Variants in FLYWCH2 observed in about 807,000 individuals in gnomAD.
FLYWCH2 encodes the protein FLYWCH family member 2.
FLYWCH2 carries 2 observed loss-of-function variants against 6.0 expected under a neutral mutation model. That is an observed-to-expected ratio of 0.33 (90% CI 0.14 to 1.04). The LOEUF (loss-of-function observed/expected upper bound fraction) is 1.04, where lower values mean the gene tolerates loss of function less well. FLYWCH2 is among the 50% of genes least tolerant of loss of function. The pLI is 0.45. For missense variants in FLYWCH2, 192 were observed against 183.4 expected, an observed-to-expected ratio of 1.05 and a Z score of -0.27; for synonymous variants, 87 against 79.3, an observed-to-expected ratio of 1.10 and a Z score of -0.52.
At chr16:2,892,933 T>C (rs2150847976) in intron 1 of FLYWCH2, among the ~76,000 whole-genome samples, 1 of 142,818 alleles carries the variant, frequency 7.0e-6, no homozygotes, top group East Asian at 2.0e-4. Flanking sequence ...GTCATATATA[T>C]ACCATATATG....
chr16:2,891,850 A>G (rs2069761743), intron 1 of FLYWCH2, among the ~76,000 whole-genome samples: 1 of 151,976 alleles, frequency 6.6e-6, no homozygotes, highest in African/African-American at 2.4e-5. Context: ...TCAGGTTGCT[A>G]TGACCCCTTC....
Position 2,896,681 on chromosome 16 carries a change from AAGGCCCTCCTCC to A in FLYWCH2, c.235_246del (p.Ala79_Gln82del). On this transcript the variant is annotated inframe_deletion, in exon 3 of 4. Transcript: ENST00000396958. ...GGTGCCCGGCCCCGCCACCCTTGCC[AAGGCCCTCCTCC>A]AGACCCACCCCGAGGCCCAGCGGGC... 6.2e-7 allele frequency: 1 copy of A among 1,612,976 alleles called. No homozygotes were observed. Among genetic ancestry groups the A allele is most frequent in the Non-Finnish European group, 8.5e-7 (1 of 1,179,832 alleles).
At chr16:2,894,035 G>A (rs963883477) in intron 1 of FLYWCH2, among the ~76,000 whole-genome samples, 1 of 152,134 alleles carries the variant, frequency 6.6e-6, no homozygotes, top group Non-Finnish European at 1.5e-5. Context: ...TATTAGGTTG[G>A]TGAAAATTAA....
intron 1 of FLYWCH2, among the ~76,000 whole-genome samples, chr16:2,886,292 G>A (rs2069697547): frequency 6.6e-6 from 1 of 152,020 alleles, no homozygotes; most frequent in Non-Finnish European, 1.5e-5. Context: ...CCGGGTTCAA[G>A]CAATTCTCAT....
chr16:2,894,838 T>C (rs1447027302), intron 1 of FLYWCH2, among the ~76,000 whole-genome samples: 1 of 152,080 alleles, frequency 6.6e-6, no homozygotes, highest in African/African-American at 2.4e-5. Flanking sequence ...TCATGGACAA[T>C]AGGGTCTTAG....
At chr16:2,893,298 T>C (rs983140635) in intron 1 of FLYWCH2, among the ~76,000 whole-genome samples, 3 of 152,170 alleles carry the variant, frequency 2.0e-5, no homozygotes, top group Non-Finnish European at 4.4e-5. Context: ...TGCCTTGGTC[T>C]TTCTGGTGAC....
At chr16:2,891,092 G>A (rs150677513) in intron 1 of FLYWCH2, among the ~76,000 whole-genome samples, 1 of 152,188 alleles carries the variant, frequency 6.6e-6, no homozygotes, top group Non-Finnish European at 1.5e-5. Context: ...GGCTTCCAAG[G>A]CAGGACCTCA....
chr16:2,886,300 C>A (rs1162625269), intron 1 of FLYWCH2, among the ~76,000 whole-genome samples: 1 of 152,074 alleles, frequency 6.6e-6, no homozygotes, highest in Non-Finnish European at 1.5e-5. Context: ...AAGCAATTCT[C>A]ATGCTGCGCA....
rs956424403 is a variant in FLYWCH2, at chr16:2,884,588, A to C, written c.-200+1222A>C. Among the ~76,000 whole-genome samples the C allele has an allele frequency of 3.6e-5, 5 of 139,944 alleles. 1 individual carries two copies. Among genetic ancestry groups the C allele is most frequent in the African/African-American group, 1.3e-4 (5 of 39,224 alleles). The allele number at this position is 139,944 out of a possible 152,430, so 91.8% of individuals were successfully genotyped here. On this transcript the variant is annotated intron_variant, in intron 1 of 3. Coordinates refer to ENST00000396958, the MANE Select transcript of FLYWCH2 (RefSeq NM_138439.3). ...AAAAAAAAAAAAAAATACAAAAATT[A>C]GTCGGGGCCGGCGCGGTGGCTCACG...
chr16:2,896,323 C>T (rs1448928170), intron 2 of FLYWCH2, 29 bp from the exon 3 acceptor site: 4 of 1,254,020 alleles, frequency 3.2e-6, no homozygotes, highest in African/African-American at 3.0e-5. Flanking sequence ...GGGCTTCCAC[C>T]ACTGACGGGA....
intron 1 of FLYWCH2, among the ~76,000 whole-genome samples, chr16:2,894,285 C>T (rs533194883): frequency 6.6e-6 from 1 of 152,200 alleles, no homozygotes; most frequent in Non-Finnish European, 1.5e-5. Context: ...AGTCTGGGAG[C>T]GCTGCAGTGG....
chr16:2,894,653 C>T (rs1233458319), intron 1 of FLYWCH2, among the ~76,000 whole-genome samples: 1 of 152,256 alleles, frequency 6.6e-6, no homozygotes, highest in Non-Finnish European at 1.5e-5. Context: ...CGGTACTCTG[C>T]AGTCATGTGA....
intron 1 of FLYWCH2, among the ~76,000 whole-genome samples, chr16:2,888,738 G>A (rs1298345683): frequency 1.3e-5 from 2 of 152,028 alleles, no homozygotes; most frequent in South Asian, 4.1e-4. Flanking sequence ...TCCCAGGACT[G>A]GCTTCTTCTT....
intron 1 of FLYWCH2, among the ~76,000 whole-genome samples, chr16:2,889,132 TTG>T (rs1491108155): frequency 1.4e-4 from 14 of 102,858 alleles, no homozygotes; most frequent in Non-Finnish European, 1.7e-4. Flanking sequence ...TGGTGTTTTT[TTG>T]TTGTTGTTGT....
At chr16:2,890,855 C>A (rs1037329446) in intron 1 of FLYWCH2, among the ~76,000 whole-genome samples, 1 of 152,190 alleles carries the variant, frequency 6.6e-6, no homozygotes, top group African/African-American at 2.4e-5. Context: ...ACGTCAGCCA[C>A]CTCGCCCAGC....
intron 2 of FLYWCH2, among the ~76,000 whole-genome samples, chr16:2,895,905 C>G (rs889227401): frequency 1.3e-5 from 2 of 152,232 alleles, no homozygotes; most frequent in African/African-American, 2.4e-5. Context: ...ATCTCTGCCA[C>G]TCTGTGGCCG....
chr16:2,891,489 C>T (rs2069757130), intron 1 of FLYWCH2, among the ~76,000 whole-genome samples: 1 of 152,018 alleles, frequency 6.6e-6, no homozygotes, highest in Admixed American at 6.5e-5. Flanking sequence ...ACTGCAAGCT[C>T]CGCCTCCCGG....
chr16:2,894,193 C>G (rs1264890562), intron 1 of FLYWCH2, among the ~76,000 whole-genome samples: 2 of 152,038 alleles, frequency 1.3e-5, no homozygotes, highest in African/African-American at 4.8e-5. Context: ...AGGTCTGGGT[C>G]CCTGCCAGCC....
In FLYWCH2 at chr16:2,899,242, G is replaced by C; in HGVS notation, c.*93G>C. 1 of 638,172 alleles carries C rather than the reference G, an allele frequency of 1.6e-6. No individual in the cohort carries two copies. The highest frequency in any genetic ancestry group is 2.5e-6 in the Non-Finnish European group (1 of 402,586). The allele number at this position is 638,172 out of a possible 1,614,324, so 39.5% of individuals were successfully genotyped here. On this transcript the variant is annotated 3_prime_UTR_variant, in exon 4 of 4. Coordinates refer to ENST00000396958, the MANE Select transcript of FLYWCH2 (RefSeq NM_138439.3). ...TCTGGGGCCAAATGGGTGAATCTTT[G>C]CTTTTAACATTGTGTGATTTCTTTT... is the stretch of plus-strand genomic sequence containing the variant.
Sources: allele counts gnomAD v4.1 joint callset (sites outside exome capture counted in the v4.1 genomes callset), GRCh38; gene constraint gnomAD v4.1.1; transcripts MANE v1.5; gene names NCBI Gene and HGNC (gene_info 2026-07-23, HGNC 2026-07-21).